LRRK1: variants seen among roughly 807,000 people sequenced by gnomAD.
LRRK1 encodes the protein leucine-rich repeat serine/threonine-protein kinase 1.
In LRRK1, 113 loss-of-function variants were observed where a neutral mutation model predicts 209.1. The ratio of observed to expected loss-of-function variants is 0.54; its 90% CI spans 0.46 to 0.63. The LOEUF (loss-of-function observed/expected upper bound fraction) is 0.63. LRRK1 is among the 30% of genes least tolerant of loss of function. The pLI is 0.00. For synonymous variants in LRRK1, 1,144 were observed against 1,099.7 expected, an observed-to-expected ratio of 1.04 and a Z score of -0.80; for missense variants, 2,284 against 2,632.2, an observed-to-expected ratio of 0.87 and a Z score of 2.89.
chr15:101,001,411 C>G (rs779583109), intron 6 of LRRK1, among the ~76,000 whole-genome samples: 7 of 152,214 alleles, frequency 4.6e-5, no homozygotes, highest in Non-Finnish European at 1.0e-4. Flanking sequence ...CTCTGAGCAT[C>G]TTTGTTTTCA....
intron 2 of LRRK1, among the ~76,000 whole-genome samples, chr15:100,928,612 T>C (rs1014536532): frequency 2.0e-5 from 3 of 152,272 alleles, no homozygotes; most frequent in African/African-American, 7.2e-5. Context: ...GTTCTTATTA[T>C]ACTTCCACGT....
intron 2 of LRRK1, among the ~76,000 whole-genome samples, chr15:100,951,962 AAAAAT>A (rs1331755549): frequency 2.2e-5 from 3 of 139,040 alleles, no homozygotes; most frequent in African/African-American, 7.7e-5. Context: ...TCAGAAAAAA[AAAAAT>A]AATAATAATA....
At chr15:100,921,404 T>C (rs1442944216) in intron 1 of LRRK1, among the ~76,000 whole-genome samples, 2 of 152,250 alleles carry the variant, frequency 1.3e-5, no homozygotes, top group Admixed American at 1.3e-4. Flanking sequence ...CAAAAGCCAA[T>C]GCTAGTAAGG....
rs2033937105 is a variant in LRRK1 at position 101,024,589 on chromosome 15, C to G, written c.2068-214C>G. 6.6e-6 allele frequency among the ~76,000 whole-genome samples: 1 copy of G among 152,240 alleles called. No individual in the cohort carries two copies. Among genetic ancestry groups the G allele is most frequent in the Admixed American group, 6.5e-5 (1 of 15,294 alleles). On this transcript the variant is annotated intron_variant, in intron 15 of 33. Coordinates refer to ENST00000388948, the MANE Select transcript of LRRK1 (RefSeq NM_024652.6). This position sits in a 1 kb window ranked among gnomAD's most constrained non-coding sequence, Gnocchi z 4.6. ...TGGTCTCTGCTCTGCTAGGAGTAGA[C>G]AGAAGTCCCAGAAGCCCACCCCCAT...
chr15:100,972,754 A>G (rs2031002464), intron 2 of LRRK1, among the ~76,000 whole-genome samples: 1 of 152,172 alleles, frequency 6.6e-6, no homozygotes, highest in Admixed American at 6.5e-5. Context: ...CTTTCACAAC[A>G]GTATTCTTTC....
chr15:100,936,042 C>T (rs2042293505), intron 2 of LRRK1, among the ~76,000 whole-genome samples: 1 of 152,166 alleles, frequency 6.6e-6, no homozygotes, highest in South Asian at 2.1e-4. Context: ...AAGTCAAAGG[C>T]CAGTCCAGAT....
Position 101,068,950 on chromosome 15 carries a change from A to T in LRRK1, c.*102A>T. On this transcript the variant is annotated 3_prime_UTR_variant, in exon 34 of 34. Coordinates refer to ENST00000388948, the MANE Select transcript of LRRK1 (RefSeq NM_024652.6). ...AGTTCTCCAAGGACCTAGAAGACAG[A>T]TGGAGTTCTCCCCTGAACTCCTTGC... 1 of 1,193,308 alleles carries T rather than the reference A, an allele frequency of 8.4e-7. No homozygotes were observed. The highest frequency in any genetic ancestry group is 1.6e-5 in the South Asian group (1 of 62,010). The allele number at this position is 1,193,308 out of a possible 1,614,324, so 73.9% of individuals were successfully genotyped here.
At chr15:101,029,572 A>C (rs991615734) in intron 20 of LRRK1, among the ~76,000 whole-genome samples, 2 of 146,592 alleles carry the variant, frequency 1.4e-5, no homozygotes, top group African/African-American at 5.5e-5. Context: ...ATTATTTGGT[A>C]AATGAGAGTG....
intron 23 of LRRK1, 78 bp downstream of exon 23, chr15:101,049,861 G>C: frequency 6.8e-7 from 1 of 1,474,900 alleles, no homozygotes; most frequent in South Asian, 1.3e-5. Context: ...CTGCTTTCGG[G>C]GTGGACAAAA....
chr15:100,964,824 G>A (rs2030351567), intron 2 of LRRK1, among the ~76,000 whole-genome samples: 3 of 152,078 alleles, frequency 2.0e-5, no homozygotes, highest in Admixed American at 6.6e-5. Context: ...ACACACACAT[G>A]AGGCCAACAT....
chr15:100,952,332 A>G (rs1308049169), intron 2 of LRRK1, among the ~76,000 whole-genome samples: 1 of 152,238 alleles, frequency 6.6e-6, no homozygotes, highest in Non-Finnish European at 1.5e-5. Context: ...TTATCTCTCA[A>G]TAAAGCTGTG....
At chr15:100,930,924 T>TGGAAA (rs898796678) in intron 2 of LRRK1, among the ~76,000 whole-genome samples, 36 of 152,378 alleles carry the variant, frequency 2.4e-4, no homozygotes, top group African/African-American at 8.7e-4. Context: ...CGCACATTTT[T>TGGAAA]GGAAAGTTTG....
intron 2 of LRRK1, among the ~76,000 whole-genome samples, chr15:100,959,334 C>T (rs1456346896): frequency 6.6e-6 from 1 of 152,196 alleles, no homozygotes; most frequent in Admixed American, 6.5e-5. Context: ...CTGCGGGCAG[C>T]CCTGGGCAGA....
chr15:100,941,466 G>C lies in LRRK1; in HGVS notation c.97+16737G>C, dbSNP rs28583442. On this transcript the variant is annotated intron_variant, in intron 2 of 33. Transcript: ENST00000388948. ...TGTGTCTGTGTGTGTCTATGTCTCT[G>C]TGTGTGTGTGTGTGTGTGTGTGTGT... Among the ~76,000 whole-genome samples, 47 of 108,490 alleles carry C rather than the reference G, an allele frequency of 4.3e-4. 2 individuals are homozygous for C. In the East Asian group the frequency reaches 0.01, roughly 24 times the overall value. 71.2% of individuals were successfully genotyped at this position (108,490 alleles called of 152,430 possible).
Position 101,068,718 on chromosome 15 carries a change from C to A in LRRK1, c.5918C>A (p.Thr1973Asn). 6.2e-7 allele frequency: 1 copy of A among 1,613,034 alleles called. No individual in the cohort carries two copies. The highest frequency in any genetic ancestry group is 8.5e-7 in the Non-Finnish European group (1 of 1,179,396). Residue 1973 changes from threonine (T) to asparagine (N), a missense_variant, in exon 34 of 34, where the codon ACC becomes AAC. By Grantham distance (65) the Thr-to-Asn change is moderately conservative. Transcript: ENST00000388948. ...GTGGCAAAGGACACTGTTGTGTGCACCTTTGAAAATGAAAACACAGAGTGG... is the reference window on the plus strand; with the variant it reads ...GTGGCAAAGGACACTGTTGTGTGCAACTTTGAAAATGAAAACACAGAGTGG... Reference protein sequence around the residue: ...AVVAKDTVVCTFENENTEWCL... With the variant: ...AVVAKDTVVCNFENENTEWCL...
intron 6 of LRRK1, among the ~76,000 whole-genome samples, chr15:101,007,458 A>C (rs910504837): frequency 1.1e-4 from 17 of 152,220 alleles, no homozygotes; most frequent in African/African-American, 4.1e-4. Context: ...CATGCCGGAA[A>C]ACCGCTGGCC....
rs185373533 is a variant in LRRK1, at chr15:100,975,020, T to C, written c.261+1053T>C. Reference sequence around the variant, plus strand: ...AACCTGTTCTCAGAAGTGTAAGAGATTGGGAGAGGGGCAGTACAGCATGCT... The same window carrying C: ...AACCTGTTCTCAGAAGTGTAAGAGACTGGGAGAGGGGCAGTACAGCATGCT... On this transcript the variant is annotated intron_variant, in intron 3 of 33. Coordinates refer to ENST00000388948, the MANE Select transcript of LRRK1 (RefSeq NM_024652.6). Among the ~76,000 whole-genome samples, 1,191 of 152,288 alleles carry C rather than the reference T, an allele frequency of 7.8e-3. 17 individuals carry two copies. Among genetic ancestry groups the C allele is most frequent in the African/African-American group, 0.028 (1,144 of 41,538 alleles).
Position 101,061,178 on chromosome 15 carries a change from A to C in LRRK1, c.4687A>C (p.Thr1563Pro), listed in dbSNP as rs1357322729. 6.2e-7 allele frequency: 1 copy of C among 1,613,084 alleles called. No homozygotes were observed. The highest frequency in any genetic ancestry group is 8.5e-7 in the Non-Finnish European group (1 of 1,179,294). Reference protein sequence around the residue: ...WDGKEESRNYTVVNTEKGLME... With the variant: ...WDGKEESRNYPVVNTEKGLME... Reference sequence around the variant, plus strand: ...AGTTTCTGCCACTTACAGGAACTACACGGTGGTGAACACAGAGAAGGGCCT... The same window carrying C: ...AGTTTCTGCCACTTACAGGAACTACCCGGTGGTGAACACAGAGAAGGGCCT... Residue 1563 changes from threonine (T) to proline (P), a missense_variant, in exon 30 of 34, where the codon ACG becomes CCG. Coordinates refer to ENST00000388948, the MANE Select transcript of LRRK1 (RefSeq NM_024652.6).
At chr15:100,988,554 G>A in intron 4 of LRRK1, 80 bp from the exon 5 acceptor site, 1 of 1,297,878 alleles carries the variant, frequency 7.7e-7, no homozygotes. Flanking sequence ...ATTGCTACTA[G>A]CGGTCTAAGG....
Sources: allele counts gnomAD v4.1 joint callset (sites outside exome capture counted in the v4.1 genomes callset), GRCh38; gene constraint gnomAD v4.1.1; non-coding constraint Gnocchi (gnomAD v3.1); transcripts MANE v1.5; gene names NCBI Gene and HGNC (gene_info 2026-07-23, HGNC 2026-07-21).